OR1B1: variants seen among roughly 807,000 people sequenced by gnomAD.
The protein encoded by OR1B1 is olfactory receptor 1B1.
For missense variants in OR1B1, 414 were observed against 402.1 expected (o/e 1.03, Z -0.25); for synonymous variants, 168 against 156.2 (o/e 1.08, Z -0.57).
chr9:122,653,681 A>G, the OR1B1 span, among the ~76,000 whole-genome samples: 2 of 152,190 alleles, frequency 1.3e-5, no homozygotes, highest in Non-Finnish European at 2.9e-5. Context: ...TGAGGTTATA[A>G]AAACAGATTT....
the OR1B1 span, among the ~76,000 whole-genome samples, chr9:122,644,607 C>G: frequency 6.6e-6 from 1 of 152,190 alleles, no homozygotes; most frequent in African/African-American, 2.4e-5. Flanking sequence ...TCACCACATC[C>G]CCAGTTCCAA....
the OR1B1 span, among the ~76,000 whole-genome samples, chr9:122,640,330 G>A: frequency 1.4e-4 from 21 of 151,894 alleles, no homozygotes; most frequent in Non-Finnish European, 3.1e-4. Flanking sequence ...GCCTCCCCAA[G>A]AACAAACCAG....
upstream of OR1B1, among the ~76,000 whole-genome samples, chr9:122,633,227 A>G (rs1317698898): frequency 6.6e-6 from 1 of 152,208 alleles, no homozygotes; most frequent in Non-Finnish European, 1.5e-5. Context: ...AAATAAGTCC[A>G]AGAAAAAAAC....
At chr9:122,634,620 C>T in the OR1B1 span, among the ~76,000 whole-genome samples, 5 of 152,076 alleles carry the variant, frequency 3.3e-5, no homozygotes, top group South Asian at 4.1e-4. Flanking sequence ...AAACCACCCC[C>T]ATGATCCAAT....
chr9:122,638,405 A>G, the OR1B1 span, among the ~76,000 whole-genome samples: 3 of 152,186 alleles, frequency 2.0e-5, no homozygotes, highest in South Asian at 2.1e-4. Flanking sequence ...AATATAAACA[A>G]TAAAGCCAAG....
upstream of OR1B1, among the ~76,000 whole-genome samples, chr9:122,632,334 A>C (rs1490340860): frequency 6.6e-6 from 1 of 152,260 alleles, no homozygotes; most frequent in Non-Finnish European, 1.5e-5. Flanking sequence ...AAAAAGAATT[A>C]CTAGAAAACA....
At chr9:122,649,972 C>A in the OR1B1 span, among the ~76,000 whole-genome samples, 1 of 152,060 alleles carries the variant, frequency 6.6e-6, no homozygotes, top group Non-Finnish European at 1.5e-5. Flanking sequence ...GCACTGTTCA[C>A]AATAGCAAAG....
chr9:122,651,091 C>A, the OR1B1 span, among the ~76,000 whole-genome samples: 3 of 151,970 alleles, frequency 2.0e-5, no homozygotes, highest in Admixed American at 2.0e-4. Flanking sequence ...CATAATATAT[C>A]TGATGAACAT....
chr9:122,649,463 G>A, the OR1B1 span, among the ~76,000 whole-genome samples: 3 of 152,124 alleles, frequency 2.0e-5, no homozygotes, highest in Admixed American at 6.5e-5. Context: ...GAGTGAACAG[G>A]CAACCTACAG....
chr9:122,640,112 A>G, the OR1B1 span, among the ~76,000 whole-genome samples: 3,388 of 152,242 alleles, frequency 0.022, 132 homozygotes, highest in African/African-American at 0.078. Context: ...TAACACGAAG[A>G]TTTGGAAATC....
chr9:122,639,266 T>C, the OR1B1 span, among the ~76,000 whole-genome samples: 1 of 152,164 alleles, frequency 6.6e-6, no homozygotes, highest in Non-Finnish European at 1.5e-5. Context: ...CCAAAAAGAA[T>C]ATTGTCAAGT....
the OR1B1 span, among the ~76,000 whole-genome samples, chr9:122,645,999 G>C: frequency 6.6e-6 from 1 of 152,144 alleles, no homozygotes; most frequent in Non-Finnish European, 1.5e-5. Flanking sequence ...GAAGTAGGCA[G>C]TACAATAAGA....
chr9:122,628,492 C>G, downstream of OR1B1: 1 of 822,062 alleles, frequency 1.2e-6, no homozygotes. Context: ...CTAGGCCCTC[C>G]ACCCCTCTGA....
the OR1B1 span, among the ~76,000 whole-genome samples, chr9:122,635,001 C>G: frequency 2.6e-5 from 4 of 152,096 alleles, no homozygotes; most frequent in Non-Finnish European, 4.4e-5. Context: ...ATAGAACAAC[C>G]AGGTGACCCA....
chr9:122,638,255 A>G, the OR1B1 span, among the ~76,000 whole-genome samples: 1 of 152,192 alleles, frequency 6.6e-6, no homozygotes, highest in Non-Finnish European at 1.5e-5. Flanking sequence ...AATTGTATCT[A>G]TAGCAGTCAA....
chr9:122,643,353 G>A, the OR1B1 span, among the ~76,000 whole-genome samples: 6 of 152,184 alleles, frequency 3.9e-5, no homozygotes, highest in South Asian at 1.0e-3. Flanking sequence ...GCACTTCCCT[G>A]TCACAGCAGA....
upstream of OR1B1, among the ~76,000 whole-genome samples, chr9:122,633,913 G>T (rs237624): frequency 2.1e-5 from 3 of 144,412 alleles, no homozygotes; most frequent in Non-Finnish European, 3.0e-5. Flanking sequence ...TGGGTGACAG[G>T]GTGAGACTAT....
chr9:122,629,698 G>A, upstream of OR1B1: 1 of 537,962 alleles, frequency 1.9e-6, no homozygotes, highest in Non-Finnish European at 3.3e-6. Flanking sequence ...TAAGGTCTAG[G>A]ATTTCGCTTC....
the OR1B1 span, among the ~76,000 whole-genome samples, chr9:122,654,233 CA>C: frequency 1.3e-5 from 2 of 152,168 alleles, no homozygotes; most frequent in African/African-American, 4.8e-5. Flanking sequence ...AGTGCAATTA[CA>C]AATGAGGACA....
Sources: allele counts gnomAD v4.1 joint callset (sites outside exome capture counted in the v4.1 genomes callset), GRCh38; gene constraint gnomAD v4.1.1; transcripts MANE v1.5; gene names NCBI Gene and HGNC (gene_info 2026-07-23, HGNC 2026-07-21).